The following ZNF330 variants were observed in gnomAD, a reference collection of about 807,000 sequenced individuals.
ZNF330 encodes zinc finger protein 330.
A neutral mutation model predicts 45.5 loss-of-function variants in ZNF330; 31 were observed. The observed-to-expected ratio is 0.68, with a 90% CI of 0.51 to 0.92. The LOEUF is 0.92. ZNF330 is among the 40% of genes least tolerant of loss of function. The pLI is 0.00. For synonymous variants in ZNF330, 138 were observed against 123.2 expected, an observed-to-expected ratio of 1.12 and a Z score of -0.79; for missense variants, 356 against 387.4, an observed-to-expected ratio of 0.92 and a Z score of 0.68.
intron 2 of ZNF330, among the ~76,000 whole-genome samples, chr4:141,223,326 A>G (rs531868923): frequency 1.4e-5 from 2 of 146,774 alleles, no homozygotes; most frequent in South Asian, 2.2e-4. Context: ...TATTGAATGG[A>G]TAATGGAATA....
chr4:141,227,407 C>T (rs971112665), intron 5 of ZNF330, among the ~76,000 whole-genome samples: 4 of 151,818 alleles, frequency 2.6e-5, no homozygotes, highest in South Asian at 4.2e-4. Flanking sequence ...TTTGTCCTTG[C>T]GATAGTTTGC....
At chr4:141,226,649 A>G in intron 4 of ZNF330, 118 bp from the exon 5 acceptor site, 2 of 703,218 alleles carry the variant, frequency 2.8e-6, no homozygotes, top group East Asian at 2.7e-5. Flanking sequence ...TACTGATTCA[A>G]TTTCATTAGT....
chr4:141,234,276 T>G lies in ZNF330; in HGVS notation c.*287T>G. The G allele has an allele frequency of 3.7e-6, 1 of 272,684 alleles. No individual in the cohort carries two copies. Among genetic ancestry groups the G allele is most frequent in the Non-Finnish European group, 6.7e-6 (1 of 149,492 alleles). 16.9% of individuals were successfully genotyped at this position (272,684 alleles called of 1,614,324 possible). ...AGTAAAGTATGTTTTGCCAATTAGA[T>G]ACATATATACAAGATAAAGGAATAG... On this transcript the variant is annotated 3_prime_UTR_variant, in exon 10 of 10. Coordinates refer to ENST00000262990, the MANE Select transcript of ZNF330 (RefSeq NM_014487.6).
In ZNF330 at chr4:141,234,227, ATGGAT is replaced by A; in HGVS notation, c.*246_*250del. The A allele has an allele frequency of 3.2e-6, 2 of 626,550 alleles. No individual in the cohort carries two copies. Among genetic ancestry groups the A allele is most frequent in the Non-Finnish European group, 4.6e-6 (2 of 433,964 alleles). 38.8% of individuals were successfully genotyped at this position (626,550 alleles called of 1,614,324 possible). On this transcript the variant is annotated 3_prime_UTR_variant, in exon 10 of 10. Coordinates refer to ENST00000262990, the MANE Select transcript of ZNF330 (RefSeq NM_014487.6). The stretch of plus-strand genomic sequence containing the variant: ...TATTGATCGAAGCAATTGAAGTATC[ATGGAT>A]TGGATTGTTACTGATTTCAGTAAAG...
chr4:141,230,402 T>G, intron 7 of ZNF330, 132 bp downstream of exon 7: 1 of 568,720 alleles, frequency 1.8e-6, no homozygotes, highest in East Asian at 2.9e-5. Context: ...GTCTTTATTT[T>G]CTGTTTCTAG....
chr4:141,226,840 A>C lies in ZNF330; in HGVS notation c.285A>C (p.Ala95=), dbSNP rs1728816793. The change falls in exon 5 of 10, where the codon GCA becomes GCC. Residue 95 remains alanine, a synonymous_variant. Coordinates refer to ENST00000262990, the MANE Select transcript of ZNF330 (RefSeq NM_014487.6). ...CTGGTGTATACAGTACTGGCCTTGC[A>C]ATGGTGGTAAGCTTCTTATTATCTC... is the stretch of plus-strand genomic sequence containing the variant. The part of the protein sequence containing the change: ...KHAGVYSTGL[A]MVGAICDFCE... 1.2e-6 allele frequency: 2 copies of C among 1,610,724 alleles called. No individual in the cohort carries two copies. The highest frequency in any genetic ancestry group is 2.7e-5 in the African/African-American group (2 of 74,698).
rs770210459 is a variant in ZNF330 at position 141,229,522 on chromosome 4, G to GCA, written c.292-48_292-47dup. 1.9e-4 allele frequency: 313 copies of GCA among 1,607,938 alleles called. 1 individual carries two copies. Among genetic ancestry groups the GCA allele is most frequent in the Middle Eastern group, 1.7e-4 (1 of 6,012 alleles). On this transcript the variant is annotated intron_variant, in intron 5 of 9. Transcript: ENST00000262990. ...TGGTTGCCGTGGTTAAAGAATGGTTGCAGGTGGTCAGGTGATAATGATTAT... is the reference window on the plus strand; with the variant it reads ...TGGTTGCCGTGGTTAAAGAATGGTTGCACAGGTGGTCAGGTGATAATGATTAT...
intron 8 of ZNF330, 86 bp downstream of exon 8, chr4:141,231,571 T>C: frequency 1.0e-6 from 1 of 964,998 alleles, no homozygotes; most frequent in Admixed American, 2.7e-5. Flanking sequence ...GCAGCTATAA[T>C]TAATTTATAA....
chr4:141,224,448 T>A (rs1472755634), intron 2 of ZNF330, 39 bp from the exon 3 acceptor site: 1 of 1,589,830 alleles, frequency 6.3e-7, no homozygotes, highest in Non-Finnish European at 8.6e-7. Flanking sequence ...CAGTTTTCAG[T>A]CAGCAGAAAA....
intron 4 of ZNF330, among the ~76,000 whole-genome samples, chr4:141,225,002 G>C (rs771743476): frequency 6.6e-6 from 1 of 152,044 alleles, no homozygotes; most frequent in Non-Finnish European, 1.5e-5. Context: ...CCTTAGTCTT[G>C]TCAGTATCTG....
At chr4:141,224,047 T>G in intron 2 of ZNF330, 1 of 294,628 alleles carries the variant, frequency 3.4e-6, no homozygotes. Context: ...GGATTTTCTG[T>G]GAACTTTATT....
chr4:141,234,244 T>C lies in ZNF330; in HGVS notation c.*255T>C. 1 of 474,698 alleles carries C rather than the reference T, an allele frequency of 2.1e-6. No individual in the cohort carries two copies. Among genetic ancestry groups the C allele is most frequent in the South Asian group, 7.1e-5 (1 of 14,126 alleles). 29.4% of individuals were successfully genotyped at this position (474,698 alleles called of 1,614,324 possible). ...GAAGTATCATGGATTGGATTGTTAC[T>C]GATTTCAGTAAAGTATGTTTTGCCA... On this transcript the variant is annotated 3_prime_UTR_variant, in exon 10 of 10. Transcript: ENST00000262990.
chr4:141,230,127 GT>G, intron 6 of ZNF330, 38 bp from the exon 7 acceptor site: 1 of 1,425,580 alleles, frequency 7.0e-7, no homozygotes, highest in East Asian at 2.3e-5. Flanking sequence ...TTAAATTAAA[GT>G]TTATCTTAAT....
At chr4:141,230,467 A>G (rs1425573466) in intron 7 of ZNF330, among the ~76,000 whole-genome samples, 197 bp downstream of exon 7, 1 of 152,138 alleles carries the variant, frequency 6.6e-6, no homozygotes, top group African/African-American at 2.4e-5. Context: ...TGCCAGTGGC[A>G]TATTGGTTGG....
At chr4:141,233,636 C>G in intron 9 of ZNF330, 79 bp from the exon 10 acceptor site, 1 of 1,463,022 alleles carries the variant, frequency 6.8e-7, no homozygotes, top group Non-Finnish European at 9.0e-7. Flanking sequence ...CAATGAAATC[C>G]ATGAAATTTT....
rs1162293975 is a variant in ZNF330 at position 141,221,023 on chromosome 4, C to G, written c.-92C>G. ...GGATTTACTGCTGTCGCGGGTGGGCCTCACGCCATTCCCTGTCCCTCGGCC... is the reference window on the plus strand; with the variant it reads ...GGATTTACTGCTGTCGCGGGTGGGCGTCACGCCATTCCCTGTCCCTCGGCC... On this transcript the variant is annotated 5_prime_UTR_variant, in exon 1 of 10. Coordinates refer to ENST00000262990, the MANE Select transcript of ZNF330 (RefSeq NM_014487.6). 6.6e-6 allele frequency: 1 copy of G among 152,348 alleles called. No homozygotes were observed. The highest frequency in any genetic ancestry group is 1.9e-4 in the East Asian group (1 of 5,190). 9.4% of individuals were successfully genotyped at this position (152,348 alleles called of 1,614,324 possible).
In ZNF330 at chr4:141,222,395, G is replaced by A. The variant is rs762333187; in HGVS notation, c.24G>A (p.Ala8=). 4 of 1,613,016 alleles carry A rather than the reference G, an allele frequency of 2.5e-6. No individual in the cohort carries two copies. Among genetic ancestry groups the A allele is most frequent in the Non-Finnish European group, 3.4e-6 (4 of 1,179,544 alleles). ...AAATGCCTAAAAAAAAGACTGGTGC[G>A]AGGAAGAAGGCTGAGAACCGCCGAG... MPKKKTG[A]RKKAENRRER... The change falls in exon 2 of 10, where the codon GCG becomes GCA. Residue 8 remains alanine, a synonymous_variant. Transcript: ENST00000262990.
intron 6 of ZNF330, 115 bp from the exon 7 acceptor site, chr4:141,230,051 C>A: frequency 1.3e-6 from 1 of 760,708 alleles, no homozygotes; most frequent in Non-Finnish European, 2.1e-6. Flanking sequence ...AATGGCTGAA[C>A]AATTTTGGTG....
intron 2 of ZNF330, chr4:141,223,829 A>G (rs1025400701): frequency 4.4e-6 from 2 of 455,068 alleles, no homozygotes; most frequent in African/African-American, 4.0e-5. Context: ...AAGAGGTGGG[A>G]TTTTCACCAG....
Sources: gnomAD v4.1 joint callset for allele counts (sites outside exome capture counted in the v4.1 genomes callset) on GRCh38, gnomAD v4.1.1 for gene constraint, MANE v1.5 for transcripts, NCBI Gene and HGNC (gene_info 2026-07-23, HGNC 2026-07-21) for gene names.